Variants in GABRB1 observed in about 807,000 individuals in gnomAD.
GABRB1 encodes the protein gamma-aminobutyric acid receptor subunit beta-1.
GABRB1 carries 17 observed loss-of-function variants against 51.6 expected under a neutral mutation model. That is an observed-to-expected ratio of 0.33 (90% CI 0.23 to 0.49). The LOEUF is 0.49. Among genes scored for constraint, GABRB1 ranks in the 20% least tolerant of loss-of-function variants. The pLI, the probability that GABRB1 is intolerant of heterozygous loss-of-function variation, is 0.99. For synonymous variants in GABRB1, 247 were observed against 218.9 expected (o/e 1.13, Z -1.14); for missense variants, 410 against 600.6 (o/e 0.68, Z 3.32).
intron 3 of GABRB1, among the ~76,000 whole-genome samples, chr4:47,106,752 G>A (rs901630037): frequency 3.9e-5 from 6 of 152,162 alleles, no homozygotes; most frequent in South Asian, 2.1e-4. Flanking sequence ...TTCCGAGGTT[G>A]CTTAATGTTT....
chr4:47,425,560 G>A, intron 8 of GABRB1, 114 bp from the exon 9 acceptor site: 1 of 778,544 alleles, frequency 1.3e-6, no homozygotes, highest in Non-Finnish European at 2.1e-6. Context: ...CATCAAGCCA[G>A]ATGTTTAGGA....
At chr4:47,425,525 G>GATCT (rs1212141051) in intron 8 of GABRB1, 149 bp from the exon 9 acceptor site, 159 of 615,312 alleles carry the variant, frequency 2.6e-4, no homozygotes, top group Non-Finnish European at 3.1e-4. Flanking sequence ...TAGATCGATC[G>GATCT]ATCTATCTCC....
chr4:47,263,223 T>TA (rs1159804597), intron 4 of GABRB1, among the ~76,000 whole-genome samples: 3 of 147,958 alleles, frequency 2.0e-5, no homozygotes, highest in Admixed American at 6.7e-5. Flanking sequence ...AATAAATAAA[T>TA]AATGGAAAAG....
intron 4 of GABRB1, among the ~76,000 whole-genome samples, chr4:47,262,586 A>C (rs1722483619): frequency 6.6e-6 from 1 of 152,176 alleles, no homozygotes; most frequent in African/African-American, 2.4e-5. Context: ...ACACTTTTAC[A>C]CTGTTGGTGG....
intron 3 of GABRB1, among the ~76,000 whole-genome samples, chr4:47,160,923 A>C (rs1325296889): frequency 6.6e-6 from 1 of 152,016 alleles, no homozygotes; most frequent in African/African-American, 2.4e-5. Flanking sequence ...AGTAGCTGGT[A>C]TTATAAGCAT....
intron 5 of GABRB1, among the ~76,000 whole-genome samples, chr4:47,397,809 G>A (rs979804794): frequency 3.3e-5 from 5 of 152,040 alleles, no homozygotes; most frequent in African/African-American, 1.2e-4. Context: ...CTGATCCCAA[G>A]TGATCTACCC....
intron 5 of GABRB1, among the ~76,000 whole-genome samples, chr4:47,348,670 G>C (rs1726193006): frequency 1.3e-5 from 2 of 152,170 alleles, no homozygotes; most frequent in Non-Finnish European, 2.9e-5. Context: ...TCCAGATTTT[G>C]TAGAAGTTTT....
chr4:47,225,633 G>A (rs1007278394), intron 4 of GABRB1, among the ~76,000 whole-genome samples: 10 of 152,104 alleles, frequency 6.6e-5, no homozygotes, highest in Non-Finnish European at 4.4e-5. Context: ...TATTCTAGGA[G>A]GTTGAATAAT....
At chr4:47,300,301 C>T (rs1373885131) in intron 4 of GABRB1, among the ~76,000 whole-genome samples, 1 of 150,594 alleles carries the variant, frequency 6.6e-6, no homozygotes, top group Non-Finnish European at 1.5e-5. Context: ...AAGAAATTAT[C>T]TAAATAGCCA....
At chr4:47,127,116 T>C (rs1716180964) in intron 3 of GABRB1, among the ~76,000 whole-genome samples, 1 of 151,848 alleles carries the variant, frequency 6.6e-6, no homozygotes, top group African/African-American at 2.4e-5. Flanking sequence ...AAAACCTATT[T>C]AAATCCCTCC....
intron 4 of GABRB1, among the ~76,000 whole-genome samples, chr4:47,202,246 G>A (rs1036811377): frequency 1.5e-4 from 23 of 152,244 alleles, no homozygotes; most frequent in African/African-American, 4.6e-4. Context: ...TCTGCTCAGC[G>A]CTTCTCCATC....
chr4:47,071,956 C>T (rs1313428133), intron 3 of GABRB1, among the ~76,000 whole-genome samples: 1 of 150,646 alleles, frequency 6.6e-6, no homozygotes, highest in Non-Finnish European at 1.5e-5. Context: ...ATTTTGAGAA[C>T]CATTATGTGA....
intron 4 of GABRB1, among the ~76,000 whole-genome samples, chr4:47,292,920 G>T (rs1560317613): frequency 6.6e-6 from 1 of 152,146 alleles, no homozygotes; most frequent in Non-Finnish European, 1.5e-5. Context: ...AGCACTCATG[G>T]CCAAGTCACC....
chr4:47,387,432 A>G (rs1727838171), intron 5 of GABRB1, among the ~76,000 whole-genome samples: 1 of 152,184 alleles, frequency 6.6e-6, no homozygotes, highest in African/African-American at 2.4e-5. Context: ...AGATTGTGCC[A>G]CTGCACTCCA....
At chr4:47,241,271 G>C (rs1175793865) in intron 4 of GABRB1, among the ~76,000 whole-genome samples, 1 of 149,016 alleles carries the variant, frequency 6.7e-6, no homozygotes, top group African/African-American at 2.4e-5. Flanking sequence ...ATTTGGGCTT[G>C]GAGGAAAGGT....
chr4:47,349,896 A>C (rs1305986717), intron 5 of GABRB1, among the ~76,000 whole-genome samples: 2 of 152,104 alleles, frequency 1.3e-5, no homozygotes, highest in Admixed American at 1.3e-4. Context: ...TATGAAAACT[A>C]TGTCAGAATA....
At chr4:47,299,453 A>C (rs1053001497) in intron 4 of GABRB1, among the ~76,000 whole-genome samples, 2 of 152,204 alleles carry the variant, frequency 1.3e-5, no homozygotes, top group African/African-American at 2.4e-5. Context: ...ACTTCTCAAA[A>C]GAAGACATTT....
At chr4:47,291,226 G>T (rs993332840) in intron 4 of GABRB1, among the ~76,000 whole-genome samples, 1 of 152,182 alleles carries the variant, frequency 6.6e-6, no homozygotes, top group Admixed American at 6.5e-5. Context: ...TCCAGAGGAC[G>T]GAAGCCCCAG....
chr4:47,204,333 G>A (rs1336396104), intron 4 of GABRB1, among the ~76,000 whole-genome samples: 2 of 152,104 alleles, frequency 1.3e-5, no homozygotes, highest in Non-Finnish European at 2.9e-5. Context: ...GCACTAATTG[G>A]ACAAATGTTT....
Sources: gnomAD v4.1 joint callset for allele counts (sites outside exome capture counted in the v4.1 genomes callset) on GRCh38, gnomAD v4.1.1 for gene constraint, MANE v1.5 for transcripts, NCBI Gene and HGNC (gene_info 2026-07-23, HGNC 2026-07-21) for gene names.